The following AKAP7 variants were observed in gnomAD, a reference collection of about 807,000 sequenced individuals.
The protein encoded by AKAP7 is A kinase (PRKA) anchor protein 7.
AKAP7 carries 39 observed loss-of-function variants against 39.5 expected under a neutral mutation model. That is an observed-to-expected ratio of 0.99 (90% CI 0.76 to 1.29). The LOEUF is 1.29. Ranked by LOEUF, AKAP7 falls within the 50% of genes most tolerant of loss-of-function variation. AKAP7 has a pLI of 0.00. For missense variants in AKAP7, 414 were observed against 407.7 expected (o/e 1.02, Z -0.13); for synonymous variants, 140 against 139.1 (o/e 1.01, Z -0.05).
chr6:131,249,329 T>G (rs1412210607), intron 7 of AKAP7, among the ~76,000 whole-genome samples: 1 of 152,174 alleles, frequency 6.6e-6, no homozygotes, highest in Non-Finnish European at 1.5e-5. Flanking sequence ...GATACTAGTG[T>G]TTGCCAGCAT....
At chr6:131,151,167 C>T (rs920245346) in intron 2 of AKAP7, among the ~76,000 whole-genome samples, 5 of 151,636 alleles carry the variant, frequency 3.3e-5, no homozygotes, top group Admixed American at 2.6e-4. Flanking sequence ...CTCAGCCTCC[C>T]GAGTAGCTGG....
chr6:131,176,992 GT>G (rs978247133), intron 5 of AKAP7, among the ~76,000 whole-genome samples: 59 of 152,164 alleles, frequency 3.9e-4, no homozygotes, highest in Admixed American at 9.8e-4. Flanking sequence ...TAGAGCCTTA[GT>G]TTTATACCCT....
chr6:131,273,111 C>T (rs1041915752), intron 7 of AKAP7, among the ~76,000 whole-genome samples: 8 of 152,064 alleles, frequency 5.3e-5, no homozygotes, highest in South Asian at 2.1e-4. Context: ...ATACTTTTTC[C>T]GAAGTCTGCT....
At chr6:131,234,848 G>T (rs1432790738) in intron 7 of AKAP7, among the ~76,000 whole-genome samples, 3 of 148,322 alleles carry the variant, frequency 2.0e-5, no homozygotes, top group South Asian at 2.2e-4. Flanking sequence ...TTGTCATGTG[G>T]TTTTGATTTA....
chr6:131,276,941 G>A (rs1814794186), intron 7 of AKAP7, among the ~76,000 whole-genome samples: 1 of 152,102 alleles, frequency 6.6e-6, no homozygotes, highest in Admixed American at 6.6e-5. Flanking sequence ...AAGACCAGCT[G>A]AAGCACATTA....
At position 131,145,497 on chromosome 6, in the gene AKAP7, GTTGTTTCAC is replaced by G; in HGVS notation, c.151+84_151+92del. 4 of 969,790 alleles carry G rather than the reference GTTGTTTCAC, an allele frequency of 4.1e-6. No homozygotes were observed. In the South Asian group the frequency reaches 1.2e-4, roughly 28 times the overall value. 60.1% of individuals were successfully genotyped at this position (969,790 alleles called of 1,614,324 possible). A position where few individuals can be genotyped will look rare whatever the true frequency, so the allele number is the denominator to read the frequency against. ...TATATATATATTTTTTTCTTTATAA[GTTGTTTCAC>G]TTTTAATACTTATGTTTTTGAGTTT... On this transcript the variant is annotated intron_variant, in intron 2 of 7. Transcript: ENST00000431975.
Position 131,135,513 on chromosome 6 carries a change from T to C in AKAP7, c.-251T>C, listed in dbSNP as rs76653576. On this transcript the variant is annotated 5_prime_UTR_variant, in exon 1 of 8. Coordinates refer to ENST00000431975, the MANE Select transcript of AKAP7 (RefSeq NM_016377.4). ...CCTGGCATGCGGGTGCTGCGGCTGC[T>C]GCGGCTGCCGCCGCCGCTGCTGCCG... 0.21 allele frequency among the ~76,000 whole-genome samples: 30,728 copies of C among 148,630 alleles called. 3,554 individuals are homozygous for C. The highest frequency in any genetic ancestry group is 0.27 in the Non-Finnish European group (17,705 of 66,794).
intron 7 of AKAP7, among the ~76,000 whole-genome samples, chr6:131,239,658 G>A (rs1585154194): frequency 6.6e-6 from 1 of 151,858 alleles, no homozygotes; most frequent in Non-Finnish European, 1.5e-5. Context: ...TCATTCATTT[G>A]ATCTTCCATC....
At chr6:131,130,724 T>C (rs893663429), upstream of AKAP7, among the ~76,000 whole-genome samples, 4 of 152,274 alleles carry the variant, frequency 2.6e-5, no homozygotes, top group East Asian at 7.7e-4. Context: ...ATTGGACAAA[T>C]GGAACTCAGT....
At chr6:131,252,381 C>T (rs984612276) in intron 7 of AKAP7, among the ~76,000 whole-genome samples, 1 of 152,122 alleles carries the variant, frequency 6.6e-6, no homozygotes, top group African/African-American at 2.4e-5. Flanking sequence ...CCCCCTGGGT[C>T]CTCTCCATTT....
At chr6:131,278,968 G>A (rs1814977858) in intron 7 of AKAP7, among the ~76,000 whole-genome samples, 1 of 152,208 alleles carries the variant, frequency 6.6e-6, no homozygotes, top group African/African-American at 2.4e-5. Flanking sequence ...AGCTGACAGT[G>A]GAGGTGTGCA....
chr6:131,245,328 G>T (rs145351132), intron 7 of AKAP7, among the ~76,000 whole-genome samples: 7 of 146,090 alleles, frequency 4.8e-5, no homozygotes, highest in Admixed American at 3.5e-4. Flanking sequence ...CACTGCAACC[G>T]CCACCTCCCA....
rs140241731 is a variant in AKAP7 at position 131,252,601 on chromosome 6, G to A, written c.851-28929G>A. ...CATCACTGTCCTTCTGGTAATAAGT[G>A]CCTAACAGTACTTATAAAGGGGACA... On this transcript the variant is annotated intron_variant, in intron 7 of 7. Coordinates refer to ENST00000431975, the MANE Select transcript of AKAP7 (RefSeq NM_016377.4). Among the ~76,000 whole-genome samples, 850 of 152,276 alleles carry A rather than the reference G, an allele frequency of 5.6e-3. 4 individuals carry two copies. Among genetic ancestry groups the A allele is most frequent in the South Asian group, 0.013 (65 of 4,822 alleles).
intron 5 of AKAP7, among the ~76,000 whole-genome samples, chr6:131,170,310 G>GA (rs58500841): frequency 6.9e-6 from 1 of 144,012 alleles, no homozygotes; most frequent in Non-Finnish European, 1.5e-5. Flanking sequence ...AAAAAAAAAA[G>GA]AAAAAAAAAA....
chr6:131,172,964 A>T (rs1804216294), intron 5 of AKAP7, among the ~76,000 whole-genome samples: 2 of 152,258 alleles, frequency 1.3e-5, no homozygotes, highest in East Asian at 3.9e-4. Context: ...TGGGAGGCCG[A>T]GGTGGGCAGA....
At chr6:131,193,208 T>C (rs1324647290) in intron 5 of AKAP7, among the ~76,000 whole-genome samples, 2 of 152,118 alleles carry the variant, frequency 1.3e-5, no homozygotes, top group Non-Finnish European at 2.9e-5. Context: ...TGATACGAGA[T>C]GTGGATCTAT....
chr6:131,246,611 T>G (rs968098699), intron 7 of AKAP7, among the ~76,000 whole-genome samples: 2 of 152,192 alleles, frequency 1.3e-5, no homozygotes, highest in African/African-American at 4.8e-5. Flanking sequence ...GCCATTCTGC[T>G]ATTTCTGTGC....
chr6:131,133,331 A>G (rs899598636), upstream of AKAP7, among the ~76,000 whole-genome samples: 2 of 152,188 alleles, frequency 1.3e-5, no homozygotes, highest in African/African-American at 4.8e-5. Flanking sequence ...ATGTCAGATT[A>G]TCTCCCATTT....
At chr6:131,180,909 G>A (rs567074293) in intron 5 of AKAP7, among the ~76,000 whole-genome samples, 2 of 147,428 alleles carry the variant, frequency 1.4e-5, no homozygotes, top group South Asian at 2.1e-4. Flanking sequence ...TTTTCTTTAA[G>A]CATTTATATT....
Sources: gnomAD v4.1 joint callset for allele counts (sites outside exome capture counted in the v4.1 genomes callset) on GRCh38, gnomAD v4.1.1 for gene constraint, MANE v1.5 for transcripts, NCBI Gene and HGNC (gene_info 2026-07-23, HGNC 2026-07-21) for gene names.